Variants in ITFG2 observed in about 807,000 individuals in gnomAD.
ITFG2 encodes the protein integrin alpha FG-GAP repeat containing 2.
In ITFG2, 36 loss-of-function variants were observed where a neutral mutation model predicts 54.4. The observed-to-expected ratio is 0.66, with a 90% CI of 0.51 to 0.87. The LOEUF (loss-of-function observed/expected upper bound fraction) is 0.87. Ranked by LOEUF, ITFG2 falls within the 40% of genes least tolerant of loss-of-function variation. The pLI, the probability that ITFG2 is intolerant of heterozygous loss-of-function variation, is 0.00. For missense variants in ITFG2, 524 were observed against 576.7 expected, an observed-to-expected ratio of 0.91 and a Z score of 0.94; for synonymous variants, 211 against 225.4, an observed-to-expected ratio of 0.94 and a Z score of 0.57.
rs1000262938 is a variant in ITFG2 at position 2,845,717 on chromosome 12, A to T, written n.300+4722A>T. Among the ~76,000 whole-genome samples the T allele has an allele frequency of 1.3e-5, 2 of 152,038 alleles. No homozygotes were observed. The highest frequency in any genetic ancestry group is 2.9e-5 in the Non-Finnish European group (2 of 68,016). On this transcript the variant is annotated intron_variant and non_coding_transcript_variant, in intron 2 of 3. Transcript: ENST00000537710. The surrounding 1 kb of genome is among the most constrained non-coding windows in gnomAD (Gnocchi z 4.2). ...CACTCCAGCTGTGGTGAAAGAGTGG[A>T]TCTTTAGGCAGATACAGATACAGAG...
intron 2 of ITFG2, chr12:2,857,471 GAA>G (rs1462832933): frequency 2.3e-5 from 5 of 221,292 alleles, no homozygotes; most frequent in Admixed American, 5.0e-5. Flanking sequence ...AGACGCCAGG[GAA>G]AAGAGGTGAG....
In ITFG2 at chr12:2,820,146, G is replaced by T; in HGVS notation, c.467G>T (p.Arg156Leu). 3 of 1,613,978 alleles carry T rather than the reference G, an allele frequency of 1.9e-6. No individual in the cohort carries two copies. The highest frequency in any genetic ancestry group is 2.5e-6 in the Non-Finnish European group (3 of 1,179,940). ...ACAGACCGTGTGGTGCGAGCTTTCC[G>T]CTGGGAGGAGCTAGGTGAGGGTCCT... ...GYTDRVVRAF[R>L]WEELGEGPEH... The change falls in exon 5 of 12, where the codon CGC becomes CTC. Residue 156 changes from arginine to leucine, a missense_variant. Transcript: ENST00000228799.
intron 3 of ITFG2, chr12:2,859,459 C>T: frequency 6.2e-7 from 1 of 1,613,886 alleles, no homozygotes; most frequent in Middle Eastern, 1.6e-4. Context: ...AAAGATGGGG[C>T]CGGGGAGGGC....
intron 2 of ITFG2, among the ~76,000 whole-genome samples, chr12:2,854,268 G>A (rs983179610): frequency 2.0e-5 from 3 of 151,976 alleles, no homozygotes; most frequent in African/African-American, 2.4e-5. Flanking sequence ...CAGGTGATCC[G>A]GCCGCCTCGG....
chr12:2,849,651 A>G (rs2098063917), intron 2 of ITFG2: 1 of 1,070,194 alleles, frequency 9.3e-7, no homozygotes, highest in Non-Finnish European at 1.3e-6. Flanking sequence ...GCGGCAGGGA[A>G]TCCCTTCTGT....
chr12:2,854,285 A>G lies in ITFG2; in HGVS notation n.301-3727A>G, dbSNP rs3759410. On this transcript the variant is annotated intron_variant and non_coding_transcript_variant, in intron 2 of 3. Coordinates refer to the ITFG2 transcript ENST00000537710. ...GGTGATCCGGCCGCCTCGGCCTCCT[A>G]AAGTTCTGGGATTACAGGCGTGAGC... Among the ~76,000 whole-genome samples, 1,463 of 152,116 alleles carry G rather than the reference A, an allele frequency of 9.6e-3. 58 individuals are homozygous for G. The highest frequency in any genetic ancestry group is 0.07 in the Admixed American group (1,072 of 15,290).
rs1470456387 is a variant in ITFG2 at position 2,820,733 on chromosome 12, C to T, written c.556C>T (p.Leu186Phe). 1.9e-6 allele frequency: 3 copies of T among 1,613,750 alleles called. No individual in the cohort carries two copies. The highest frequency in any genetic ancestry group is 2.5e-6 in the Non-Finnish European group (3 of 1,179,878). ...CCATTCCCTGGTGCAGGTGGACAGCCTCTCAGTGACTCTGGGGCCACTGGG... is the reference window on the plus strand; with the variant it reads ...CCATTCCCTGGTGCAGGTGGACAGCTTCTCAGTGACTCTGGGGCCACTGGG... ...KWMLEGQVDS[L>F]SVTLGPLGLP... The change falls in exon 6 of 12, where the codon CTC becomes TTC. Residue 186 changes from leucine (L) to phenylalanine (F), a missense_variant. Coordinates refer to ENST00000228799, the MANE Select transcript of ITFG2 (RefSeq NM_018463.4).
At chr12:2,813,000 T>A in intron 1 of ITFG2, 144 bp downstream of exon 1, 1 of 625,424 alleles carries the variant, frequency 1.6e-6, no homozygotes, top group Non-Finnish European at 2.8e-6. Context: ...AAAACTTTAT[T>A]GATAGCTTCA....
exon 4 of ITFG2, chr12:2,859,723 T>C (rs1392935473): frequency 7.2e-6 from 9 of 1,257,464 alleles, no homozygotes; most frequent in Middle Eastern, 2.5e-4. Flanking sequence ...CACAAAAATA[T>C]CACATACGGG....
At chr12:2,828,335 A>G (rs1260995738), downstream of ITFG2, 1 of 1,614,012 alleles carries the variant, frequency 6.2e-7, no homozygotes, top group African/African-American at 1.3e-5. Flanking sequence ...TTCTTACCCC[A>G]GGCGGCTGAG....
chr12:2,841,309 C>T (rs952659120), intron 2 of ITFG2, among the ~76,000 whole-genome samples: 3 of 152,218 alleles, frequency 2.0e-5, no homozygotes, highest in Non-Finnish European at 2.9e-5. Context: ...ACGGAGATCA[C>T]GGAGTACCAC....
At chr12:2,841,900 G>A (rs1390326819) in intron 2 of ITFG2, among the ~76,000 whole-genome samples, 1 of 150,702 alleles carries the variant, frequency 6.6e-6, no homozygotes, top group Non-Finnish European at 1.5e-5. Context: ...TGTCTTTTTA[G>A]TAGTGATGTG....
Position 2,817,923 on chromosome 12 carries a change from G to A in ITFG2, c.207G>A (p.Gly69=). Residue 69 remains glycine, a synonymous_variant, in exon 3 of 12, where the codon GGG becomes GGA. Coordinates refer to ENST00000228799, the MANE Select transcript of ITFG2 (RefSeq NM_018463.4). ...CSCQGMLTCV[G]VGDVCNKGKN... ...CTCTCTTACAGCTGACTTGCGTTGG[G>A]GTTGGAGACGTGTGTAATAAAGGAA... 6.2e-7 allele frequency: 1 copy of A among 1,613,984 alleles called. No homozygotes were observed. Among genetic ancestry groups the A allele is most frequent in the Non-Finnish European group, 8.5e-7 (1 of 1,179,972 alleles).
chr12:2,828,833 ACT>A (rs1285061152), downstream of ITFG2, among the ~76,000 whole-genome samples: 2 of 152,008 alleles, frequency 1.3e-5, no homozygotes, highest in African/African-American at 4.8e-5. Flanking sequence ...CAAGAGCAAA[ACT>A]CTGTCTCAAA....
At chr12:2,827,419 T>C (rs2097973741), downstream of ITFG2, 2 of 1,520,456 alleles carry the variant, frequency 1.3e-6, no homozygotes, top group African/African-American at 2.8e-5. This position sits in a 1 kb window ranked among gnomAD's most constrained non-coding sequence, Gnocchi z 4.0. Context: ...TCTTCCCCCA[T>C]CCCCATTTCC....
intron 2 of ITFG2, among the ~76,000 whole-genome samples, chr12:2,853,025 AC>A (rs2098076050): frequency 6.6e-6 from 1 of 151,992 alleles, no homozygotes; most frequent in Non-Finnish European, 1.5e-5. Flanking sequence ...ACAAAAAAAA[AC>A]GGGGTTAATG....
intron 1 of ITFG2, 115 bp downstream of exon 1, chr12:2,812,971 G>A (rs1603482127): frequency 1.2e-6 from 1 of 846,714 alleles, no homozygotes; most frequent in East Asian, 2.5e-5. Flanking sequence ...GCTGTGGCTA[G>A]TTTGGAGCGC....
At chr12:2,817,778 A>G (rs1215362905) in intron 2 of ITFG2, 131 bp from the exon 3 acceptor site, 6 of 828,936 alleles carry the variant, frequency 7.2e-6, no homozygotes, top group African/African-American at 1.7e-5. Context: ...GACCATCACC[A>G]TGGTTCATAT....
intron 1 of ITFG2, among the ~76,000 whole-genome samples, chr12:2,815,303 C>G (rs1013862208): frequency 6.6e-6 from 1 of 152,202 alleles, no homozygotes; most frequent in Non-Finnish European, 1.5e-5. Context: ...AAGAGGAGAT[C>G]ATAAAGCAGT....
Sources: gnomAD v4.1 joint callset for allele counts (sites outside exome capture counted in the v4.1 genomes callset) on GRCh38, gnomAD v4.1.1 for gene constraint, Gnocchi (gnomAD v3.1) non-coding constraint, MANE v1.5 for transcripts, NCBI Gene and HGNC (gene_info 2026-07-23, HGNC 2026-07-21) for gene names.